Variants in ADAM23 observed in about 807,000 individuals in gnomAD.
ADAM23 encodes the protein ADAM metallopeptidase domain 23, also known as disintegrin and metalloproteinase domain-containing protein 23.
A neutral mutation model predicts 120.1 loss-of-function variants in ADAM23; 33 were observed. That is an observed-to-expected ratio of 0.27 (90% confidence interval 0.21 to 0.37). The LOEUF (loss-of-function observed/expected upper bound fraction) is 0.37. Ranked by LOEUF, ADAM23 falls within the 10% of genes least tolerant of loss-of-function variation. The pLI, the probability that ADAM23 is intolerant of heterozygous loss-of-function variation, is 1.00. For synonymous variants in ADAM23, 367 were observed against 375.2 expected, an observed-to-expected ratio of 0.98 and a Z score of 0.25; for missense variants, 862 against 1,058.2, an observed-to-expected ratio of 0.81 and a Z score of 2.57.
chr2:206,477,897 A>AAATATATATATATATAT (rs374524658), intron 2 of ADAM23, among the ~76,000 whole-genome samples: 53 of 93,558 alleles, frequency 5.7e-4, no homozygotes, highest in East Asian at 1.0e-3. Context: ...AAAAAAAAAA[A>AAATATATATATATATAT]ATATATATAT....
chr2:206,563,477 A>G (rs1697812083), intron 13 of ADAM23, among the ~76,000 whole-genome samples: 1 of 152,160 alleles, frequency 6.6e-6, no homozygotes, highest in African/African-American at 2.4e-5. Flanking sequence ...TATCTTGCTC[A>G]GAGTGTTTGC....
chr2:206,515,604 C>T (rs1559243573), intron 3 of ADAM23, among the ~76,000 whole-genome samples: 2 of 152,228 alleles, frequency 1.3e-5, no homozygotes, highest in African/African-American at 4.8e-5. Flanking sequence ...TAGTTCAAAT[C>T]CTGTCTGGTC....
At chr2:206,452,028 G>A (rs1240972722) in intron 2 of ADAM23, among the ~76,000 whole-genome samples, 1 of 152,174 alleles carries the variant, frequency 6.6e-6, no homozygotes, top group Admixed American at 6.5e-5. Flanking sequence ...GTAGAGAGTG[G>A]TGGGTGTGAT....
At chr2:206,477,326 GTTTAA>G (rs1695794458) in intron 2 of ADAM23, among the ~76,000 whole-genome samples, 1 of 152,176 alleles carries the variant, frequency 6.6e-6, no homozygotes, top group African/African-American at 2.4e-5. Context: ...ATATAATTGA[GTTTAA>G]TTGTTTTTCT....
intron 2 of ADAM23, among the ~76,000 whole-genome samples, chr2:206,457,862 A>T (rs1695330288): frequency 6.6e-6 from 1 of 152,226 alleles, no homozygotes; most frequent in African/African-American, 2.4e-5. Context: ...AAATAAACTG[A>T]ATTTAATTAT....
intron 3 of ADAM23, among the ~76,000 whole-genome samples, chr2:206,498,441 T>C (rs1391719786): frequency 6.6e-5 from 10 of 152,186 alleles, no homozygotes; most frequent in African/African-American, 1.7e-4. Context: ...GAAAACTGGC[T>C]ACCCATATGT....
chr2:206,479,663 G>A (rs1695854589), intron 2 of ADAM23, among the ~76,000 whole-genome samples: 1 of 152,026 alleles, frequency 6.6e-6, no homozygotes, highest in Non-Finnish European at 1.5e-5. Flanking sequence ...GACCACACTT[G>A]ACAGAAGTTT....
intron 4 of ADAM23, among the ~76,000 whole-genome samples, chr2:206,539,018 A>G (rs926486513): frequency 2.0e-5 from 3 of 152,154 alleles, no homozygotes; most frequent in East Asian, 3.9e-4. Context: ...ATTTCTGGTT[A>G]GGAAGTATTT....
At chr2:206,504,997 GA>G (rs1217979000) in intron 3 of ADAM23, among the ~76,000 whole-genome samples, 1 of 152,208 alleles carries the variant, frequency 6.6e-6, no homozygotes, top group African/African-American at 2.4e-5. Flanking sequence ...CTGGGACTGA[GA>G]ATATGTTTTG....
chr2:206,570,192 T>G (rs1697968228), intron 15 of ADAM23, among the ~76,000 whole-genome samples: 2 of 152,262 alleles, frequency 1.3e-5, no homozygotes, highest in South Asian at 2.1e-4. Flanking sequence ...ATGTGTCTTA[T>G]GCTTGCAGAC....
chr2:206,453,357 T>TA (rs1695235126), intron 2 of ADAM23, among the ~76,000 whole-genome samples: 1 of 152,242 alleles, frequency 6.6e-6, no homozygotes, highest in Non-Finnish European at 1.5e-5. Context: ...TCTCCATCTT[T>TA]AAGATCTGAA....
intron 18 of ADAM23, among the ~76,000 whole-genome samples, chr2:206,574,433 A>T (rs1273913968): frequency 4.0e-5 from 6 of 150,540 alleles, no homozygotes; most frequent in African/African-American, 9.8e-5. Context: ...AGGGGCCTAA[A>T]TCTTTTTTTC....
Position 206,617,781 on chromosome 2 carries a change from G to T in ADAM23, c.*154G>T. The T allele has an allele frequency of 1.4e-6, 2 of 1,429,602 alleles. No individual in the cohort carries two copies. Among genetic ancestry groups the T allele is most frequent in the East Asian group, 5.3e-5 (2 of 37,728 alleles). The allele number at this position is 1,429,602 out of a possible 1,614,324, so 88.6% of individuals were successfully genotyped here. A position where few individuals can be genotyped will look rare whatever the true frequency, so the allele number is the denominator to read the frequency against. ...TTGGGGTGACAAGGATGGGGTAAAAGAAAACTGTCTCTTTTGGAAATAATG... is the reference window on the plus strand; with the variant it reads ...TTGGGGTGACAAGGATGGGGTAAAATAAAACTGTCTCTTTTGGAAATAATG... On this transcript the variant is annotated 3_prime_UTR_variant, in exon 26 of 26. Transcript: ENST00000264377.
At chr2:206,531,034 T>C (rs1383710264) in intron 4 of ADAM23, 86 bp downstream of exon 4, 2 of 1,029,826 alleles carry the variant, frequency 1.9e-6, no homozygotes, top group Non-Finnish European at 2.8e-6. Context: ...TTTTGACGTC[T>C]GTCTCAGTAA....
At chr2:206,471,282 T>G (rs1050660061) in intron 2 of ADAM23, among the ~76,000 whole-genome samples, 13 of 152,348 alleles carry the variant, frequency 8.5e-5, no homozygotes, top group African/African-American at 2.9e-4. Flanking sequence ...TAATTTTCAT[T>G]TTGTATTTCA....
At chr2:206,606,625 G>C (rs1698732968) in intron 24 of ADAM23, 1 of 152,164 alleles carries the variant, frequency 6.6e-6, no homozygotes, top group Admixed American at 6.5e-5. Context: ...TGCCCATTAA[G>C]CTGTCACAGA....
chr2:206,547,864 T>C (rs1697432025), intron 7 of ADAM23, among the ~76,000 whole-genome samples: 1 of 152,232 alleles, frequency 6.6e-6, no homozygotes, highest in African/African-American at 2.4e-5. Flanking sequence ...TTAAGTGTGC[T>C]AATGTTGGAA....
chr2:206,447,106 A>G (rs948860298), intron 2 of ADAM23, among the ~76,000 whole-genome samples: 1 of 152,100 alleles, frequency 6.6e-6, no homozygotes, highest in Non-Finnish European at 1.5e-5. Flanking sequence ...AATAACTCAG[A>G]TGTTTGAGGC....
Position 206,443,972 on chromosome 2 carries a change from A to C in ADAM23, c.106A>C (p.Ser36Arg). ...CGGCCCCGCCGGCTCGGTGCCTGCC[A>C]GCGCCCCGGCCCGCACGCCGCCCTG... is the stretch of plus-strand genomic sequence containing the variant. ...QRGPAGSVPA[S>R]APARTPPCRL... is the part of the protein sequence containing the mutation. Residue 36 changes from serine (S) to arginine (R), a missense_variant, in exon 1 of 26, where the codon AGC becomes CGC. Transcript: ENST00000264377. 1 of 1,346,796 alleles carries C rather than the reference A, an allele frequency of 7.4e-7. No homozygotes were observed. Among genetic ancestry groups the C allele is most frequent in the Non-Finnish European group, 9.5e-7 (1 of 1,047,174 alleles). 83.4% of individuals were successfully genotyped at this position (1,346,796 alleles called of 1,614,324 possible).
Sources: gnomAD v4.1 joint callset for allele counts (sites outside exome capture counted in the v4.1 genomes callset) on GRCh38, gnomAD v4.1.1 for gene constraint, MANE v1.5 for transcripts, NCBI Gene and HGNC (gene_info 2026-07-23, HGNC 2026-07-21) for gene names.